ACTR3C: variants seen among roughly 807,000 people sequenced by gnomAD.
The protein encoded by ACTR3C is actin-related protein 3C.
ACTR3C carries 18 observed loss-of-function variants against 26.3 expected under a neutral mutation model. The ratio of observed to expected loss-of-function variants is 0.68; its 90% confidence interval spans 0.47 to 1.01. The LOEUF is 1.01. Among genes scored for constraint, ACTR3C ranks in the 50% least tolerant of loss-of-function variants. The pLI, the probability that ACTR3C is intolerant of heterozygous loss-of-function variation, is 0.00. For missense variants in ACTR3C, 184 were observed against 250.7 expected, an observed-to-expected ratio of 0.73 and a Z score of 1.80; for synonymous variants, 55 against 94.5, an observed-to-expected ratio of 0.58 and a Z score of 2.42.
chr7:150,126,762 T>C, the ACTR3C span, among the ~76,000 whole-genome samples: 1 of 152,216 alleles, frequency 6.6e-6, no homozygotes, highest in Non-Finnish European at 1.5e-5. Flanking sequence ...TTGCAGATGA[T>C]TGGACCTGCA....
the ACTR3C span, among the ~76,000 whole-genome samples, chr7:150,200,820 A>C: frequency 6.6e-6 from 1 of 152,236 alleles, no homozygotes; most frequent in African/African-American, 2.4e-5. Flanking sequence ...AGTGAGATAA[A>C]ATATTATATG....
the ACTR3C span, among the ~76,000 whole-genome samples, chr7:149,967,178 G>A: frequency 6.6e-6 from 1 of 151,650 alleles, no homozygotes; most frequent in African/African-American, 2.4e-5. Flanking sequence ...GGGACTACAG[G>A]TGCCCACCAC....
chr7:149,929,111 ACC>A, the ACTR3C span, among the ~76,000 whole-genome samples: 3 of 152,182 alleles, frequency 2.0e-5, no homozygotes, highest in African/African-American at 7.2e-5. Context: ...TGCAACCATC[ACC>A]ATAATTAGTA....
chr7:150,287,192 A>ATAC (rs1321659412), intron 4 of ACTR3C, among the ~76,000 whole-genome samples: 2 of 151,690 alleles, frequency 1.3e-5, no homozygotes, highest in African/African-American at 4.9e-5. Context: ...GGCACTTGGG[A>ATAC]TACACAAGGT....
intron 1 of ACTR3C, among the ~76,000 whole-genome samples, chr7:150,319,205 CTTTT>C (rs199647156): frequency 3.6e-5 from 5 of 140,726 alleles, no homozygotes; most frequent in Admixed American, 1.4e-4. Flanking sequence ...ATTGCTTCTT[CTTTT>C]TTTTTTTTTT....
intron 6 of ACTR3C, among the ~76,000 whole-genome samples, chr7:150,272,540 A>G (rs1429851624): frequency 7.2e-6 from 1 of 139,676 alleles, no homozygotes; most frequent in Non-Finnish European, 1.5e-5. Context: ...GAGTGAGGAA[A>G]AAGCAGAAAA....
At chr7:150,035,470 G>A in the ACTR3C span, among the ~76,000 whole-genome samples, 6 of 100,514 alleles carry the variant, frequency 6.0e-5, no homozygotes, top group South Asian at 2.9e-4. Context: ...CGTTGCGATG[G>A]GGGTAGTAAC....
the ACTR3C span, among the ~76,000 whole-genome samples, chr7:149,887,523 G>A: frequency 6.6e-6 from 1 of 152,218 alleles, no homozygotes; most frequent in Non-Finnish European, 1.5e-5. Context: ...TGGGCAGCAG[G>A]CTGGACGTAC....
chr7:150,288,581 G>A (rs1057087926), intron 4 of ACTR3C, among the ~76,000 whole-genome samples: 1 of 147,066 alleles, frequency 6.8e-6, no homozygotes, highest in African/African-American at 2.6e-5. Context: ...CAGATTTGGA[G>A]TGGCAAGGGA....
chr7:149,958,722 C>T, the ACTR3C span, among the ~76,000 whole-genome samples: 7 of 152,158 alleles, frequency 4.6e-5, no homozygotes, highest in East Asian at 1.9e-4. Context: ...TTTTAATGAA[C>T]GTCTGAGAGA....
At chr7:150,117,078 C>T in the ACTR3C span, among the ~76,000 whole-genome samples, 7 of 152,252 alleles carry the variant, frequency 4.6e-5, no homozygotes, top group Non-Finnish European at 8.8e-5. Context: ...CCACGGTCTT[C>T]ACAACCCACA....
chr7:149,900,246 G>C, the ACTR3C span, among the ~76,000 whole-genome samples: 2 of 152,012 alleles, frequency 1.3e-5, no homozygotes, highest in Admixed American at 6.6e-5. Flanking sequence ...CGCGATCTCA[G>C]CTCACTGCAA....
At chr7:150,314,862 G>A (rs998995852) in intron 1 of ACTR3C, among the ~76,000 whole-genome samples, 50 of 149,784 alleles carry the variant, frequency 3.3e-4, no homozygotes, top group East Asian at 2.3e-3. Flanking sequence ...GGAGGCGAGC[G>A]GCTCACTTGA....
the ACTR3C span, among the ~76,000 whole-genome samples, chr7:150,089,485 G>C: frequency 2.6e-5 from 4 of 152,246 alleles, no homozygotes; most frequent in African/African-American, 9.6e-5. Flanking sequence ...ACAGAGTTGG[G>C]TCAAGGGAGT....
At chr7:150,096,289 T>G in the ACTR3C span, among the ~76,000 whole-genome samples, 1 of 149,768 alleles carries the variant, frequency 6.7e-6, no homozygotes, top group East Asian at 1.9e-4. Context: ...CTCAATTAAT[T>G]TGGAGTTTAC....
At chr7:150,038,821 G>C in the ACTR3C span, among the ~76,000 whole-genome samples, 8 of 135,306 alleles carry the variant, frequency 5.9e-5, no homozygotes, top group South Asian at 4.6e-4. Flanking sequence ...CCCCCTCTGC[G>C]ATGGGGGTCC....
chr7:150,114,721 G>A, the ACTR3C span, among the ~76,000 whole-genome samples: 1 of 152,150 alleles, frequency 6.6e-6, no homozygotes, highest in Non-Finnish European at 1.5e-5. Context: ...GTAACCAGTG[G>A]AAACAAAGAC....
the ACTR3C span, among the ~76,000 whole-genome samples, chr7:150,120,159 T>C: frequency 6.6e-6 from 1 of 151,602 alleles, no homozygotes; most frequent in African/African-American, 2.4e-5. Context: ...ACACCCTAAC[T>C]CCACAATCAA....
chr7:150,200,796 T>G, the ACTR3C span, among the ~76,000 whole-genome samples: 1 of 152,226 alleles, frequency 6.6e-6, no homozygotes, highest in Admixed American at 6.5e-5. Flanking sequence ...TTCCTGAGAT[T>G]ACTGAGAGGG....
Sources: gnomAD v4.1 joint callset for allele counts (sites outside exome capture counted in the v4.1 genomes callset) on GRCh38, gnomAD v4.1.1 for gene constraint, MANE v1.5 for transcripts, NCBI Gene and HGNC (gene_info 2026-07-23, HGNC 2026-07-21) for gene names.